DDHD2: variants seen among roughly 807,000 people sequenced by gnomAD.
The protein encoded by DDHD2 is triacylglycerol hydrolase DDHD2.
DDHD2 carries 62 observed loss-of-function variants against 91.2 expected under a neutral mutation model. The ratio of observed to expected loss-of-function variants is 0.68; its 90% CI spans 0.55 to 0.84. The LOEUF is 0.84. Among genes scored for constraint, DDHD2 ranks in the 40% least tolerant of loss-of-function variants. DDHD2 has a pLI of 0.00. For missense variants in DDHD2, 740 were observed against 846.9 expected, an observed-to-expected ratio of 0.87 and a Z score of 1.57; for synonymous variants, 271 against 293.9, an observed-to-expected ratio of 0.92 and a Z score of 0.80.
At chr8:38,242,193 C>G in intron 6 of DDHD2, 57 bp from the exon 7 acceptor site, 3 of 1,352,308 alleles carry the variant, frequency 2.2e-6, no homozygotes, top group South Asian at 2.8e-5. Flanking sequence ...TTGTTGCATC[C>G]AGATTCTACA....
chr8:38,239,728 GT>G (rs1371221092), intron 5 of DDHD2, among the ~76,000 whole-genome samples: 11 of 129,460 alleles, frequency 8.5e-5, no homozygotes, highest in African/African-American at 1.4e-4. Flanking sequence ...AAAAAAAAGA[GT>G]TTTTTTTTTT....
downstream of DDHD2, chr8:38,266,048 A>C: frequency 8.5e-7 from 1 of 1,173,840 alleles, no homozygotes. Flanking sequence ...TTGTTCATTC[A>C]GCAGATATTT....
At chr8:38,263,520 A>G, downstream of DDHD2, 2 of 985,376 alleles carry the variant, frequency 2.0e-6, no homozygotes, top group Non-Finnish European at 2.4e-6. Flanking sequence ...TTTCTTCTTT[A>G]TTATTGTTTT....
intron 2 of DDHD2, among the ~76,000 whole-genome samples, chr8:38,233,495 G>A (rs1469199953): frequency 6.6e-6 from 1 of 151,888 alleles, no homozygotes; most frequent in Non-Finnish European, 1.5e-5. Flanking sequence ...TATTGTCTAG[G>A]CTGGTCTTGA....
At position 38,240,326 on chromosome 8, in the gene DDHD2, C is replaced by A; in HGVS notation, c.674C>A (p.Pro225Gln). Reference protein sequence around the residue: ...HLVFVVHGIGPACDLRFRSIV... With the variant: ...HLVFVVHGIGQACDLRFRSIV... ...GTTTTTGTAGTCCATGGGATTGGAC[C>A]AGCTTGTGATCTCCGCTTTCGAAGC... Residue 225 changes from proline to glutamine, a missense_variant, in exon 6 of 18, where the codon CCA (proline) becomes CAA (glutamine). Coordinates refer to ENST00000397166, the MANE Select transcript of DDHD2 (RefSeq NM_015214.3). The A allele has an allele frequency of 6.2e-7, 1 of 1,610,240 alleles. No homozygotes were observed. The highest frequency in any genetic ancestry group is 2.2e-5 in the East Asian group (1 of 44,820).
At chr8:38,255,203 A>AT in intron 16 of DDHD2, 1 of 277,088 alleles carries the variant, frequency 3.6e-6, no homozygotes, top group East Asian at 1.4e-4. Context: ...TCAAAAAAAA[A>AT]AAAAAAAAAA....
intron 4 of DDHD2, among the ~76,000 whole-genome samples, 183 bp downstream of exon 4, chr8:38,237,810 C>A (rs1240860290): frequency 6.6e-6 from 1 of 152,148 alleles, no homozygotes; most frequent in Non-Finnish European, 1.5e-5. Context: ...TCAGCTTATA[C>A]AAAATAATTT....
Position 38,260,153 on chromosome 8 carries a change from T to C in DDHD2, c.*26+6T>C. The stretch of plus-strand genomic sequence containing the variant: ...CCCATCTATGGCTGCTTAATGTAAG[T>C]TTTAAAATGTCATATATATAGTGTA... On this transcript the variant is annotated splice_donor_region_variant and intron_variant, in intron 17 of 17. Transcript: ENST00000397166. 1 of 1,400,320 alleles carries C rather than the reference T, an allele frequency of 7.1e-7. No individual in the cohort carries two copies. Among genetic ancestry groups the C allele is most frequent in the African/African-American group, 1.4e-5 (1 of 70,576 alleles). 86.7% of individuals were successfully genotyped at this position (1,400,320 alleles called of 1,614,324 possible).
At chr8:38,254,507 A>C (rs74384828) in intron 16 of DDHD2, among the ~76,000 whole-genome samples, 7,898 of 151,772 alleles carry the variant, frequency 0.052, 397 homozygotes, top group African/African-American at 0.13. Context: ...CAGTCTCCCT[A>C]ATAAGTAGGA....
chr8:38,261,474 G>T lies in DDHD2; in HGVS notation c.*901G>T, dbSNP rs1807022719. ...TTAGTGGTGCCTTTATGGTGAAACA[G>T]AATTTGTCACCTGCCATTTCTACTT... On this transcript the variant is annotated 3_prime_UTR_variant, in exon 18 of 18. Coordinates refer to ENST00000397166, the MANE Select transcript of DDHD2 (RefSeq NM_015214.3). 1 of 152,200 alleles carries T rather than the reference G, an allele frequency of 6.6e-6. No homozygotes were observed. Among genetic ancestry groups the T allele is most frequent in the Admixed American group, 6.5e-5 (1 of 15,276 alleles). 9.4% of individuals were successfully genotyped at this position (152,200 alleles called of 1,614,324 possible).
At chr8:38,264,986 T>C (rs1472301636), downstream of DDHD2, 2 of 1,465,238 alleles carry the variant, frequency 1.4e-6, no homozygotes, top group African/African-American at 2.8e-5. Context: ...GAGTTGCTTC[T>C]CGCCGGGCAC....
chr8:38,246,177 G>A, intron 8 of DDHD2, 56 bp from the exon 9 acceptor site: 1 of 1,320,066 alleles, frequency 7.6e-7, no homozygotes, highest in Non-Finnish European at 1.1e-6. Context: ...TTGTATAACA[G>A]AGAGCCATTT....
chr8:38,262,744 T>G lies in DDHD2; in HGVS notation c.*2171T>G, dbSNP rs1807131037. 1.3e-5 allele frequency: 2 copies of G among 152,200 alleles called. No individual in the cohort carries two copies. The highest frequency in any genetic ancestry group is 2.9e-5 in the Non-Finnish European group (2 of 68,020). 9.4% of individuals were successfully genotyped at this position (152,200 alleles called of 1,614,324 possible). A position where few individuals can be genotyped will look rare whatever the true frequency, so the allele number is the denominator to read the frequency against. On this transcript the variant is annotated 3_prime_UTR_variant, in exon 18 of 18. Coordinates refer to ENST00000397166, the MANE Select transcript of DDHD2 (RefSeq NM_015214.3). ...TTTCTACGTGATTATATTTAAAACT[T>G]TAGTAAATACTAACATGAAACCATA...
chr8:38,268,794 CA>C (rs1487670089), intron 1 of DDHD2: 2 of 1,447,530 alleles, frequency 1.4e-6, no homozygotes, highest in Non-Finnish European at 1.8e-6. Flanking sequence ...TGGGTCCCTA[CA>C]AAGGCCGTCT....
chr8:38,265,123 G>A (rs556102640), downstream of DDHD2: 84 of 566,312 alleles, frequency 1.5e-4, no homozygotes, highest in African/African-American at 5.7e-4. Flanking sequence ...AAAATTAGCC[G>A]GGCGTGGTGG....
chr8:38,268,847 TG>T, intron 1 of DDHD2: 2 of 1,515,064 alleles, frequency 1.3e-6, no homozygotes, highest in South Asian at 1.3e-5. Context: ...AGCCGGGTCA[TG>T]GGGAGGGAGG....
At position 38,253,022 on chromosome 8, in the gene DDHD2, A is replaced by T. The variant is rs200798674; in HGVS notation, c.1786A>T (p.Met596Leu). 1.9e-5 allele frequency: 30 copies of T among 1,614,136 alleles called. No homozygotes were observed. The Middle Eastern group carries it at 8.2e-4, about 44-fold the overall frequency. ...LKNNLLGSLR[M>L]AWKSFTRAPY... is the part of the protein sequence containing the mutation. ...GAACAACTTGCTAGGTTCGCTGCGG[A>T]TGGCCTGGAAGTCTTTTACCAGAGC... is the stretch of plus-strand genomic sequence containing the variant. The change falls in exon 15 of 18, where the codon ATG (methionine) becomes TTG (leucine). Residue 596 changes from methionine to leucine, a missense_variant. Physicochemically the swap from Met to Leu is conservative, Grantham distance 15. This residue lies in a region of DDHD2 where 693 missense variants were observed against 764.2 expected (regional missense o/e 0.91). Coordinates refer to ENST00000397166, the MANE Select transcript of DDHD2 (RefSeq NM_015214.3).
At chr8:38,241,383 TCTTTTTTTTTCCTTTTC>T (rs1301276558) in intron 6 of DDHD2, among the ~76,000 whole-genome samples, 1 of 152,064 alleles carries the variant, frequency 6.6e-6, no homozygotes, top group African/African-American at 2.4e-5. Flanking sequence ...AGTTTAGCTT[TCTTTTTTTTTCCTTTTC>T]CTTTTTTTTT....
At position 38,270,301 on chromosome 8, in the gene DDHD2, A is replaced by G. The variant is rs570255084; in HGVS notation, n.88-821A>G. 6 of 152,342 alleles carry G rather than the reference A, an allele frequency of 3.9e-5. No homozygotes were observed. The East Asian group carries it at 5.8e-4, about 15-fold the overall frequency. 9.4% of individuals were successfully genotyped at this position (152,342 alleles called of 1,614,324 possible). A position where few individuals can be genotyped will look rare whatever the true frequency, so the allele number is the denominator to read the frequency against. On this transcript the variant is annotated intron_variant and non_coding_transcript_variant, in intron 1 of 1. Transcript: ENST00000526071. ...TACAGATAAAGTACAGAAATAACCAATCTACAAAGATCATTATCATAAAGA... is the reference window on the plus strand; with the variant it reads ...TACAGATAAAGTACAGAAATAACCAGTCTACAAAGATCATTATCATAAAGA...
Sources: allele counts gnomAD v4.1 joint callset (sites outside exome capture counted in the v4.1 genomes callset), GRCh38; gene constraint gnomAD v4.1.1; regional missense constraint gnomAD v4.1.1; transcripts MANE v1.5; gene names NCBI Gene and HGNC (gene_info 2026-07-23, HGNC 2026-07-21).